KPNA3: variants seen among roughly 807,000 people sequenced by gnomAD.
The protein encoded by KPNA3 is importin subunit alpha-4.
KPNA3 carries 13 observed loss-of-function variants against 73.8 expected under a neutral mutation model. That is an observed-to-expected ratio of 0.18 (90% CI 0.11 to 0.28). The LOEUF is 0.28. Ranked by LOEUF, KPNA3 falls within the 10% of genes least tolerant of loss-of-function variation. The pLI is 1.00. For missense variants in KPNA3, 360 were observed against 618.1 expected (o/e 0.58, Z 4.43); for synonymous variants, 186 against 206.9 (o/e 0.90, Z 0.87).
At chr13:49,729,031 C>T (rs1954437351) in intron 6 of KPNA3, among the ~76,000 whole-genome samples, 1 of 152,164 alleles carries the variant, frequency 6.6e-6, no homozygotes, top group Non-Finnish European at 1.5e-5. Context: ...TCCCAGGACC[C>T]TCAGTTCTTT....
At position 49,772,501 on chromosome 13, in the gene KPNA3, A is replaced by C. The variant is rs147447674; in HGVS notation, c.69+19937T>G. The stretch of plus-strand genomic sequence containing the variant: ...GACAACCACCTTGGAAAAGAATTTC[A>C]AAGTTTCTAAATACTGTTGGGCTGG... On this transcript the variant is annotated intron_variant, in intron 1 of 16. Transcript: ENST00000261667. 8.3e-3 allele frequency among the ~76,000 whole-genome samples: 1,260 copies of C among 152,308 alleles called. 8 individuals carry two copies. The highest frequency in any genetic ancestry group is 0.013 in the Non-Finnish European group (892 of 68,020).
intron 11 of KPNA3, among the ~76,000 whole-genome samples, chr13:49,710,272 A>G (rs146275484): frequency 7.9e-5 from 12 of 152,290 alleles, no homozygotes; most frequent in African/African-American, 2.2e-4. Flanking sequence ...AAAAATATAT[A>G]TAATATTTTA....
At chr13:49,710,841 TTA>T (rs777032283) in intron 11 of KPNA3, 48 bp downstream of exon 11, 61 of 1,529,788 alleles carry the variant, frequency 4.0e-5, no homozygotes, top group Non-Finnish European at 5.5e-5. Context: ...AGTTAACTGG[TTA>T]TAGCAAACAC....
In KPNA3 at chr13:49,727,817, A is replaced by C. The variant is rs964892487; in HGVS notation, c.384-2316T>G. Among the ~76,000 whole-genome samples the C allele has an allele frequency of 2.6e-5, 4 of 152,324 alleles. No homozygotes were observed. The South Asian group carries it at 8.3e-4, about 32-fold the overall frequency. On this transcript the variant is annotated intron_variant, in intron 6 of 16. Transcript: ENST00000261667. The stretch of plus-strand genomic sequence containing the variant: ...GAATCCTGCTAAAATTAAAGCAAAA[A>C]CAAACATCAAATTTATGGTGAAGCT...
At chr13:49,769,750 G>A (rs9535334) in intron 1 of KPNA3, among the ~76,000 whole-genome samples, 64,916 of 151,988 alleles carry the variant, frequency 0.43, 14,369 homozygotes, top group South Asian at 0.59. Flanking sequence ...ATTCATGTAC[G>A]TGTTTTTCAT....
chr13:49,742,873 G>A (rs1244813298), intron 2 of KPNA3, among the ~76,000 whole-genome samples: 1 of 152,106 alleles, frequency 6.6e-6, no homozygotes, highest in East Asian at 1.9e-4. Flanking sequence ...TATATCTGAA[G>A]TATTTGTCTT....
intron 1 of KPNA3, among the ~76,000 whole-genome samples, chr13:49,783,253 G>A (rs1184862411): frequency 6.6e-6 from 1 of 151,788 alleles, no homozygotes; most frequent in Admixed American, 6.6e-5. Flanking sequence ...AGAAAACCAA[G>A]AATGATTAAT....
chr13:49,754,500 C>T (rs1954693348), intron 1 of KPNA3, among the ~76,000 whole-genome samples: 1 of 151,568 alleles, frequency 6.6e-6, no homozygotes, highest in Admixed American at 6.6e-5. Flanking sequence ...TCAAAACTCC[C>T]AGCTTCGACA....
At chr13:49,778,850 C>T (rs1487586808) in intron 1 of KPNA3, among the ~76,000 whole-genome samples, 2 of 152,138 alleles carry the variant, frequency 1.3e-5, no homozygotes, top group Non-Finnish European at 2.9e-5. Flanking sequence ...TCAAGCAATC[C>T]TCCCTCCTCT....
intron 9 of KPNA3, among the ~76,000 whole-genome samples, chr13:49,721,280 CA>C (rs1954354877): frequency 6.6e-6 from 1 of 152,158 alleles, no homozygotes; most frequent in Admixed American, 6.5e-5. Context: ...AGAACATTTG[CA>C]TGTAAGTATA....
rs1954338184 is a variant in KPNA3 at position 49,719,793 on chromosome 13, T to C, written c.753A>G (p.Ile251Met). ...QEILPALCVLIYHTDINILVD... is the reference protein window; with the variant it reads ...QEILPALCVLMYHTDINILVD... Reference sequence around the variant, plus strand: ...AACTTACGTTTATATCTGTATGGTATATGAGGACACATAAAGCTGGCAAAA... The same window carrying C: ...AACTTACGTTTATATCTGTATGGTACATGAGGACACATAAAGCTGGCAAAA... Residue 251 changes from isoleucine to methionine, a missense_variant, in exon 10 of 17, where the codon ATA (isoleucine) becomes ATG (methionine). Around this residue, in one of 3 missense-constraint regions of KPNA3, gnomAD observed 287 missense variants for 549.1 expected, o/e 0.52. Transcript: ENST00000261667. 1.2e-6 allele frequency: 2 copies of C among 1,602,100 alleles called. No homozygotes were observed. Among genetic ancestry groups the C allele is most frequent in the Non-Finnish European group, 1.7e-6 (2 of 1,170,184 alleles).
At chr13:49,788,676 T>C (rs1455781023) in intron 1 of KPNA3, among the ~76,000 whole-genome samples, 4 of 149,770 alleles carry the variant, frequency 2.7e-5, no homozygotes, top group African/African-American at 9.9e-5. Context: ...GAGCCGAGAT[T>C]GGGCCACTGC....
rs1955037915 is a variant in KPNA3 at position 49,792,049 on chromosome 13, G to T, written c.69+389C>A. ...GCTGCACCGGACGGAAGGTTGCACC[G>T]GTGGCGGGCGCAAGCAGCGGCCGCC... On this transcript the variant is annotated intron_variant, in intron 1 of 16. Transcript: ENST00000261667. Among the ~76,000 whole-genome samples, 4 of 152,276 alleles carry T rather than the reference G, an allele frequency of 2.6e-5. No individual in the cohort carries two copies. In the South Asian group the frequency reaches 8.3e-4, roughly 32 times the overall value.
chr13:49,724,262 C>A (rs2137546484), intron 7 of KPNA3, among the ~76,000 whole-genome samples: 1 of 151,222 alleles, frequency 6.6e-6, no homozygotes, highest in South Asian at 2.1e-4. Context: ...GTTTTCATAT[C>A]TCTTGGTTTC....
chr13:49,732,983 A>C lies in KPNA3; in HGVS notation c.178T>G (p.Ser60Ala), dbSNP rs751788282. The change falls in exon 3 of 17, where the codon TCA (serine) becomes GCA (alanine). Residue 60 changes from serine to alanine, a missense_variant. Around this residue, in one of 3 missense-constraint regions of KPNA3, gnomAD observed 287 missense variants for 549.1 expected, o/e 0.52. Coordinates refer to ENST00000261667, the MANE Select transcript of KPNA3 (RefSeq NM_002267.4). The stretch of plus-strand genomic sequence containing the variant: ...GCTTTAAAATCAGCATCAACATCTG[A>C]ATCTTCTAGACTTTCTTCTTGGGGA... Reference protein sequence around the residue: ...NVPQEESLEDSDVDADFKAQN... With the variant: ...NVPQEESLEDADVDADFKAQN... 11 of 1,609,756 alleles carry C rather than the reference A, an allele frequency of 6.8e-6. No homozygotes were observed. The highest frequency in any genetic ancestry group is 1.3e-5 in the African/African-American group (1 of 74,758).
At chr13:49,760,112 G>A (rs1201183424) in intron 1 of KPNA3, among the ~76,000 whole-genome samples, 1 of 152,128 alleles carries the variant, frequency 6.6e-6, no homozygotes, top group Non-Finnish European at 1.5e-5. Flanking sequence ...CAATACACAT[G>A]TCAAGTGACA....
intron 1 of KPNA3, among the ~76,000 whole-genome samples, chr13:49,748,332 A>G (rs1458762816): frequency 2.0e-5 from 3 of 152,210 alleles, no homozygotes. Flanking sequence ...TCTGAGTTTA[A>G]GAGGATCTAT....
In KPNA3 at chr13:49,700,496, T is replaced by A. The variant is rs1954137310; in HGVS notation, c.*1304A>T. On this transcript the variant is annotated 3_prime_UTR_variant, in exon 17 of 17. Coordinates refer to ENST00000261667, the MANE Select transcript of KPNA3 (RefSeq NM_002267.4). ...CAAAAGCAATAACTTGACATAGTAA[T>A]ACCGGATTTTGCAGAATTACTTAGA... The A allele has an allele frequency of 1.3e-5, 2 of 152,642 alleles. No individual in the cohort carries two copies. 9.5% of individuals were successfully genotyped at this position (152,642 alleles called of 1,614,324 possible).
chr13:49,737,273 C>A (rs976324710), intron 2 of KPNA3, among the ~76,000 whole-genome samples: 1 of 152,166 alleles, frequency 6.6e-6, no homozygotes, highest in African/African-American at 2.4e-5. Context: ...AAAAAACTGA[C>A]AAACTGTTTT....
Sources: allele counts gnomAD v4.1 joint callset (sites outside exome capture counted in the v4.1 genomes callset), GRCh38; gene constraint gnomAD v4.1.1; regional missense constraint gnomAD v4.1.1; transcripts MANE v1.5; gene names NCBI Gene and HGNC (gene_info 2026-07-23, HGNC 2026-07-21).